Variants in COL19A1 observed in about 807,000 individuals in gnomAD.
COL19A1 encodes the protein collagen alpha-1(XIX) chain.
Under a neutral mutation model 190.2 loss-of-function variants are expected in COL19A1, and 159 were observed. That is an observed-to-expected ratio of 0.84 (90% CI 0.73 to 0.95). The LOEUF is 0.95. Among genes scored for constraint, COL19A1 ranks in the 40% least tolerant of loss-of-function variants. The pLI is 0.00. For missense variants in COL19A1, 1,418 were observed against 1,431.9 expected (o/e 0.99, Z 0.16); for synonymous variants, 509 against 458.9 (o/e 1.11, Z -1.39).
chr6:70,140,113 G>A (rs977609334), intron 19 of COL19A1, among the ~76,000 whole-genome samples: 2 of 151,900 alleles, frequency 1.3e-5, no homozygotes, highest in African/African-American at 4.8e-5. Flanking sequence ...ATCATGTTGG[G>A]TAGATATGGG....
At chr6:70,170,000 TA>T (rs2150271373) in intron 40 of COL19A1, among the ~76,000 whole-genome samples, 1 of 152,280 alleles carries the variant, frequency 6.6e-6, no homozygotes, top group African/African-American at 2.4e-5. Flanking sequence ...AACAAAAATG[TA>T]GACCTATTTG....
chr6:70,203,016 G>A (rs554306290), intron 49 of COL19A1, among the ~76,000 whole-genome samples: 4 of 152,082 alleles, frequency 2.6e-5, no homozygotes, highest in Non-Finnish European at 4.4e-5. Flanking sequence ...TGGTTCTCCC[G>A]GGTATGAGCT....
At chr6:69,949,986 A>G (rs1774031829) in intron 9 of COL19A1, among the ~76,000 whole-genome samples, 1 of 151,912 alleles carries the variant, frequency 6.6e-6, no homozygotes, top group Non-Finnish European at 1.5e-5. Context: ...AAACTGATTT[A>G]TATTAATGGA....
chr6:70,102,320 C>T, intron 16 of COL19A1, 98 bp downstream of exon 16: 1 of 903,140 alleles, frequency 1.1e-6, no homozygotes, highest in Non-Finnish European at 1.8e-6. Flanking sequence ...ATAATGATTT[C>T]CTTTATTCTA....
chr6:70,171,776 T>C (rs1360671255), intron 40 of COL19A1, among the ~76,000 whole-genome samples, 188 bp from the exon 41 acceptor site: 1 of 152,198 alleles, frequency 6.6e-6, no homozygotes, highest in Non-Finnish European at 1.5e-5. Flanking sequence ...TAGCTTTTAT[T>C]CTCAAACTAT....
intron 15 of COL19A1, among the ~76,000 whole-genome samples, chr6:70,078,629 T>C (rs148239495): frequency 1.5e-3 from 228 of 151,480 alleles, no homozygotes; most frequent in African/African-American, 5.5e-3. Flanking sequence ...CCAACACCCA[T>C]GGCAACTGAG....
At chr6:70,041,937 G>A (rs187926045) in intron 14 of COL19A1, among the ~76,000 whole-genome samples, 2 of 151,938 alleles carry the variant, frequency 1.3e-5, no homozygotes, top group Non-Finnish European at 1.5e-5. Flanking sequence ...ATTTGGTGAT[G>A]GATGCCTGTA....
intron 14 of COL19A1, among the ~76,000 whole-genome samples, chr6:70,065,913 T>C (rs550615113): frequency 4.5e-4 from 69 of 152,248 alleles, no homozygotes; most frequent in African/African-American, 1.6e-3. Context: ...AATGAGATAT[T>C]ATCTCACACC....
intron 15 of COL19A1, among the ~76,000 whole-genome samples, chr6:70,087,524 C>G (rs758255517): frequency 3.9e-5 from 6 of 152,050 alleles, no homozygotes; most frequent in Non-Finnish European, 7.4e-5. Context: ...AGAGTCCACA[C>G]GGAAAGGCAG....
Position 70,190,315 on chromosome 6 carries a change from G to T in COL19A1, c.3028G>T (p.Ala1010Ser). The T allele has an allele frequency of 6.3e-7, 1 of 1,598,832 alleles. No homozygotes were observed. Among genetic ancestry groups the T allele is most frequent in the Non-Finnish European group, 8.6e-7 (1 of 1,168,812 alleles). The change falls in exon 48 of 51, where the codon GCT becomes TCT. Residue 1010 changes from alanine (A) to serine (S), a missense_variant and splice_region_variant. Transcript: ENST00000620364. ...PGSPGIPGIP[A>S]DAVSFEEIKK... ...ACAACCTTTTTTTTTCCTTCTTCAG[G>T]CTGATGCAGTTTCATTTGAAGAAAT...
rs200635295 is a variant in COL19A1, at chr6:69,879,563, G to T, written c.-5G>T. On this transcript the variant is annotated 5_prime_UTR_variant, in exon 2 of 51. Transcript: ENST00000620364. ...CCGTGGCCGTTCACATGGTTTCAAGGCACAATGAGACTCACTGGCCCTTGG... is the reference window on the plus strand; with the variant it reads ...CCGTGGCCGTTCACATGGTTTCAAGTCACAATGAGACTCACTGGCCCTTGG... The T allele has an allele frequency of 6.2e-7, 1 of 1,613,446 alleles. No homozygotes were observed. The highest frequency in any genetic ancestry group is 2.2e-5 in the East Asian group (1 of 44,852).
intron 44 of COL19A1, among the ~76,000 whole-genome samples, chr6:70,182,227 G>A (rs1232194272): frequency 6.6e-6 from 1 of 152,178 alleles, no homozygotes; most frequent in Non-Finnish European, 1.5e-5. Context: ...GAGAGAGCCA[G>A]CAAGCAACAA....
intron 4 of COL19A1, among the ~76,000 whole-genome samples, chr6:69,913,509 G>T (rs1025359976): frequency 2.0e-5 from 3 of 152,216 alleles, no homozygotes; most frequent in African/African-American, 7.2e-5. Flanking sequence ...TAGAGGAAGT[G>T]AAAAGTTGAG....
At chr6:70,046,524 T>G (rs1362761856) in intron 14 of COL19A1, among the ~76,000 whole-genome samples, 1 of 151,902 alleles carries the variant, frequency 6.6e-6, no homozygotes, top group Non-Finnish European at 1.5e-5. Flanking sequence ...AATATTCAAT[T>G]TTTTTTTAAT....
At chr6:70,189,762 T>C (rs1261917325) in intron 47 of COL19A1, among the ~76,000 whole-genome samples, 2 of 152,236 alleles carry the variant, frequency 1.3e-5, no homozygotes, top group Non-Finnish European at 2.9e-5. Flanking sequence ...ACCTATATAC[T>C]TGCAATGTGT....
chr6:70,010,413 A>C (rs1777919458), intron 11 of COL19A1, among the ~76,000 whole-genome samples: 1 of 147,044 alleles, frequency 6.8e-6, no homozygotes, highest in Non-Finnish European at 1.5e-5. Context: ...TGAGCGACGC[A>C]GAAGACGGTG....
intron 49 of COL19A1, among the ~76,000 whole-genome samples, chr6:70,200,114 G>T (rs1188898151): frequency 6.6e-6 from 1 of 152,134 alleles, no homozygotes; most frequent in Non-Finnish European, 1.5e-5. Context: ...TCCATCATCT[G>T]AGTGTCTTAA....
At chr6:69,929,742 A>C in intron 6 of COL19A1, 42 bp downstream of exon 6, 2 of 1,512,904 alleles carry the variant, frequency 1.3e-6, no homozygotes, top group Non-Finnish European at 1.8e-6. Context: ...TAAAATTTCT[A>C]AGTAAAAAAA....
intron 4 of COL19A1, among the ~76,000 whole-genome samples, chr6:69,916,157 T>C (rs1771287003): frequency 6.6e-6 from 1 of 152,018 alleles, no homozygotes; most frequent in East Asian, 1.9e-4. Context: ...AGGATGGTCT[T>C]GATCTCCTGA....
Sources: gnomAD v4.1 joint callset for allele counts (sites outside exome capture counted in the v4.1 genomes callset) on GRCh38, gnomAD v4.1.1 for gene constraint, MANE v1.5 for transcripts, NCBI Gene and HGNC (gene_info 2026-07-23, HGNC 2026-07-21) for gene names.